The following EP400 variants were observed in gnomAD, a reference collection of about 807,000 sequenced individuals.
EP400 encodes E1A-binding protein p400.
EP400 carries 105 observed loss-of-function variants against 354.1 expected under a neutral mutation model. The ratio of observed to expected loss-of-function variants is 0.30; its 90% CI spans 0.25 to 0.35. The LOEUF (loss-of-function observed/expected upper bound fraction) is 0.35. Among genes scored for constraint, EP400 ranks in the 10% least tolerant of loss-of-function variants. The pLI, the probability that EP400 is intolerant of heterozygous loss-of-function variation, is 1.00. For missense variants in EP400, 3,280 were observed against 4,121.0 expected (o/e 0.80, Z 5.59); for synonymous variants, 1,646 against 1,716.9 (o/e 0.96, Z 1.02).
At chr12:131,981,666 A>G in intron 4 of EP400, 70 bp downstream of exon 4, 1 of 1,356,588 alleles carries the variant, frequency 7.4e-7, no homozygotes, top group Non-Finnish European at 1.0e-6. Flanking sequence ...AGAAACCAGC[A>G]CCAGACTCAG....
At chr12:132,002,959 T>C (rs909943941) in intron 12 of EP400, among the ~76,000 whole-genome samples, 2 of 152,212 alleles carry the variant, frequency 1.3e-5, no homozygotes, top group African/African-American at 4.8e-5. Flanking sequence ...TAAGTATATT[T>C]AGCTCTTCAT....
rs780635858 is a variant in EP400, at chr12:131,986,527, C to G, written c.1943C>G (p.Thr648Arg). ...LSSLPQMVAS[T>R]RLPVDPAPPC... ...CTGCCCTTACAGATGGTAGCATCGACAAGGCTCCCTGTGGACCCTGCCCCG... is the reference window on the plus strand; with the variant it reads ...CTGCCCTTACAGATGGTAGCATCGAGAAGGCTCCCTGTGGACCCTGCCCCG... Residue 648 changes from threonine (T) to arginine (R), a missense_variant, in exon 6 of 53, where the codon ACA (threonine) becomes AGA (arginine). By Grantham distance (71) the Thr-to-Arg change is moderately conservative. Transcript: ENST00000389561. The G allele has an allele frequency of 1.2e-6, 2 of 1,604,670 alleles. No individual in the cohort carries two copies. The highest frequency in any genetic ancestry group is 1.7e-6 in the Non-Finnish European group (2 of 1,174,638).
At chr12:132,058,162 CTGAGGGGAAGGGAA>C (rs1040504140) in intron 45 of EP400, among the ~76,000 whole-genome samples, 1 of 152,068 alleles carries the variant, frequency 6.6e-6, no homozygotes, top group Non-Finnish European at 1.5e-5. Flanking sequence ...AGCGGAGGGT[CTGAGGGGAAGGGAA>C]TGGCGTGCAT....
At chr12:131,954,952 G>T (rs1440702158) in intron 1 of EP400, among the ~76,000 whole-genome samples, 6 of 152,146 alleles carry the variant, frequency 3.9e-5, no homozygotes, top group Non-Finnish European at 7.3e-5. Context: ...GAACCTGGAA[G>T]GCAGAGGTTA....
chr12:131,976,886 C>CAAA (rs1892495195), intron 2 of EP400, among the ~76,000 whole-genome samples: 1 of 152,110 alleles, frequency 6.6e-6, no homozygotes, highest in Non-Finnish European at 1.5e-5. Context: ...CCTCCTTTTC[C>CAAA]ATCTGTCTCT....
intron 45 of EP400, among the ~76,000 whole-genome samples, chr12:132,057,904 TG>T (rs1895564036): frequency 6.6e-6 from 1 of 152,228 alleles, no homozygotes; most frequent in Admixed American, 6.5e-5. Flanking sequence ...GACATATTTT[TG>T]AGTGGCTCTT....
Position 132,014,051 on chromosome 12 carries a change from G to C in EP400, c.3923+138G>C, listed in dbSNP as rs1022029282. The C allele has an allele frequency of 5.2e-6, 6 of 1,162,428 alleles. No homozygotes were observed. The African/African-American group carries it at 7.7e-5, about 15-fold the overall frequency. The allele number at this position is 1,162,428 out of a possible 1,614,324, so 72.0% of individuals were successfully genotyped here. ...AGCTGGAGACCGAGGCACCCTCCTG[G>C]GGGCAGCAGGCTCTGCAGCCTCAGG... On this transcript the variant is annotated intron_variant, in intron 19 of 52. Transcript: ENST00000389561.
chr12:131,986,696 C>G lies in EP400; in HGVS notation c.2112C>G (p.Ser704=). The change falls in exon 6 of 53, where the codon TCC becomes TCG. Residue 704 remains serine, a synonymous_variant. Coordinates refer to ENST00000389561, the MANE Select transcript of EP400 (RefSeq NM_015409.5). ...ATNKALSPVT[S]RTPGVVASAP... is the part of the protein sequence containing the mutation. ...ATAAGGCACTATCTCCAGTCACTTCCCGGACCCCAGGGGTGGTGGCATCTG... is the reference window on the plus strand; with the variant it reads ...ATAAGGCACTATCTCCAGTCACTTCGCGGACCCCAGGGGTGGTGGCATCTG... 1 of 1,614,200 alleles carries G rather than the reference C, an allele frequency of 6.2e-7. No individual in the cohort carries two copies. The highest frequency in any genetic ancestry group is 8.5e-7 in the Non-Finnish European group (1 of 1,180,042).
chr12:131,990,522 G>A lies in EP400; in HGVS notation c.2551-114G>A, dbSNP rs1225240723. On this transcript the variant is annotated intron_variant, in intron 8 of 52. Coordinates refer to ENST00000389561, the MANE Select transcript of EP400 (RefSeq NM_015409.5). This position sits in a 1 kb window ranked among gnomAD's most constrained non-coding sequence, Gnocchi z 4.2. ...AAATGAAAAAGCACCAAACTGACGAGGCTGGAAAACACTGTTTTCAGACTC... is the reference window on the plus strand; with the variant it reads ...AAATGAAAAAGCACCAAACTGACGAAGCTGGAAAACACTGTTTTCAGACTC... 2 of 777,600 alleles carry A rather than the reference G, an allele frequency of 2.6e-6. No homozygotes were observed. The highest frequency in any genetic ancestry group is 3.5e-5 in the African/African-American group (2 of 57,592). The allele number at this position is 777,600 out of a possible 1,614,324, so 48.2% of individuals were successfully genotyped here. A position where few individuals can be genotyped will look rare whatever the true frequency, so the allele number is the denominator to read the frequency against.
At chr12:132,015,929 G>T (rs1664374798) in intron 19 of EP400, among the ~76,000 whole-genome samples, 1 of 152,046 alleles carries the variant, frequency 6.6e-6, no homozygotes, top group African/African-American at 2.4e-5. Flanking sequence ...CGTGAGGGTG[G>T]CACCCATGTT....
At chr12:132,058,717 A>C (rs150188078) in intron 45 of EP400, among the ~76,000 whole-genome samples, 1 of 152,186 alleles carries the variant, frequency 6.6e-6, no homozygotes, top group East Asian at 1.9e-4. Context: ...GAGAAGTTCT[A>C]GGAAAATTAA....
At chr12:132,037,562 T>A (rs1593364997) in intron 30 of EP400, 120 bp from the exon 31 acceptor site, 1 of 774,862 alleles carries the variant, frequency 1.3e-6, no homozygotes, top group East Asian at 2.7e-5. Flanking sequence ...AGGCATGTTC[T>A]GAGCAGGGGT....
In EP400 at chr12:132,029,736, C is replaced by T; in HGVS notation, c.5417C>T (p.Pro1806Leu). The T allele has an allele frequency of 6.2e-7, 1 of 1,613,292 alleles. No homozygotes were observed. Among genetic ancestry groups the T allele is most frequent in the African/African-American group, 1.3e-5 (1 of 75,060 alleles). ...GTGATTCCTCCGGTGGTGGCAGCAC[C>T]CCCGTCCCTACGGGTGCCGCGGCCG... is the stretch of plus-strand genomic sequence containing the variant. ...AFVIPPVVAA[P>L]PSLRVPRPPP... is the part of the protein sequence containing the mutation. Residue 1806 changes from proline (P) to leucine (L), a missense_variant, in exon 28 of 53, where the codon CCC becomes CTC. Pro to Leu is a moderately conservative substitution (Grantham distance 98). This residue lies in a region of EP400 where 459 missense variants were observed against 496.9 expected (regional missense o/e 0.92). Coordinates refer to ENST00000389561, the MANE Select transcript of EP400 (RefSeq NM_015409.5). The surrounding 1 kb of genome is among the most constrained non-coding windows in gnomAD (Gnocchi z 4.7).
At chr12:132,062,072 T>G in intron 45 of EP400, 38 bp from the exon 46 acceptor site, 19 of 1,580,122 alleles carry the variant, frequency 1.2e-5, no homozygotes, top group South Asian at 2.2e-5. Flanking sequence ...GAGTGCTGTG[T>G]GAAATATTTG....
rs1268809776 is a variant in EP400, at chr12:132,078,953, A to C, written c.*1280A>C. ...CTTACTTTGAAGTTTTCACCAAAGC[A>C]AAAAGGTCCATATCCAATAGTATCC... On this transcript the variant is annotated 3_prime_UTR_variant, in exon 53 of 53. Coordinates refer to ENST00000389561, the MANE Select transcript of EP400 (RefSeq NM_015409.5). 1 of 152,244 alleles carries C rather than the reference A, an allele frequency of 6.6e-6. No individual in the cohort carries two copies. Among genetic ancestry groups the C allele is most frequent in the Admixed American group, 6.5e-5 (1 of 15,288 alleles). The allele number at this position is 152,244 out of a possible 1,614,324, so 9.4% of individuals were successfully genotyped here.
At position 132,023,835 on chromosome 12, in the gene EP400, G is replaced by A. The variant is rs1894207910; in HGVS notation, c.4749G>A (p.Val1583=). The change falls in exon 24 of 53, where the codon GTG becomes GTA. Residue 1583 remains valine (V), a synonymous_variant. Transcript: ENST00000389561. ...LASITGPQSR[V]AQPETPVTLQ... is the part of the protein sequence containing the mutation. ...CCATCACAGGACCACAGAGCCGCGT[G>A]GCTCAGCCAGAGACGCCGGTGACAC... 1 of 1,613,830 alleles carries A rather than the reference G, an allele frequency of 6.2e-7. No homozygotes were observed. The highest frequency in any genetic ancestry group is 1.3e-5 in the African/African-American group (1 of 74,900).
chr12:132,031,068 A>G (rs892183668), intron 29 of EP400, among the ~76,000 whole-genome samples: 2 of 152,226 alleles, frequency 1.3e-5, no homozygotes, highest in Non-Finnish European at 2.9e-5. Flanking sequence ...TATTATAGCA[A>G]ATTATCTGTA....
At chr12:132,046,122 T>C (rs994114628) in intron 39 of EP400, among the ~76,000 whole-genome samples, 1 of 152,260 alleles carries the variant, frequency 6.6e-6, no homozygotes, top group Admixed American at 6.5e-5. Flanking sequence ...GTTCACGTTG[T>C]GCTTGTTGGG....
At chr12:132,005,217 T>G (rs1443541317) in intron 13 of EP400, 33 bp downstream of exon 13, 2 of 1,489,798 alleles carry the variant, frequency 1.3e-6, no homozygotes, top group Non-Finnish European at 1.8e-6. Context: ...AATTCAGGGT[T>G]AAAAGCAGAA....
Sources: allele counts gnomAD v4.1 joint callset (sites outside exome capture counted in the v4.1 genomes callset), GRCh38; gene constraint gnomAD v4.1.1; regional missense constraint gnomAD v4.1.1; non-coding constraint Gnocchi (gnomAD v3.1); transcripts MANE v1.5; gene names NCBI Gene and HGNC (gene_info 2026-07-23, HGNC 2026-07-21).